UBN2: variants seen among roughly 807,000 people sequenced by gnomAD.
The protein encoded by UBN2 is ubinuclein 2.
In UBN2, 35 loss-of-function variants were observed where a neutral mutation model predicts 120.2. The ratio of observed to expected loss-of-function variants is 0.29; its 90% CI spans 0.22 to 0.39. UBN2 has a LOEUF of 0.39. Ranked by LOEUF, UBN2 falls within the 10% of genes least tolerant of loss-of-function variation. The probability of loss-of-function intolerance (pLI) is 1.00; values close to 1 mark genes in which losing one functional copy is unlikely to be tolerated. For missense variants in UBN2, 1,693 were observed against 1,663.2 expected (o/e 1.02, Z -0.31); for synonymous variants, 661 against 648.7 (o/e 1.02, Z -0.29).
At chr7:139,265,354 T>C (rs1246806087) in intron 6 of UBN2, among the ~76,000 whole-genome samples, 2 of 152,058 alleles carry the variant, frequency 1.3e-5, no homozygotes, top group African/African-American at 4.8e-5. Flanking sequence ...GACACACACC[T>C]GTAGTCCCAG....
intron 4 of UBN2, 132 bp downstream of exon 4, chr7:139,258,757 A>G: frequency 1.4e-6 from 1 of 714,192 alleles, no homozygotes; most frequent in South Asian, 5.3e-5. Context: ...ATATATAATT[A>G]CATGCTTTAA....
At chr7:139,311,567 G>C (rs1381768154), downstream of UBN2, among the ~76,000 whole-genome samples, 2 of 152,226 alleles carry the variant, frequency 1.3e-5, no homozygotes, top group African/African-American at 4.8e-5. Context: ...TTAGAGACAA[G>C]GTATGGAAAG....
chr7:139,266,525 G>T, intron 7 of UBN2, 122 bp downstream of exon 7: 1 of 515,322 alleles, frequency 1.9e-6, no homozygotes, highest in South Asian at 2.9e-5. Flanking sequence ...AAGCCTTACA[G>T]CATGTATGAT....
chr7:139,249,032 G>GTGTATGCA (rs1355133737), intron 2 of UBN2, among the ~76,000 whole-genome samples: 1 of 152,046 alleles, frequency 6.6e-6, no homozygotes, highest in African/African-American at 2.4e-5. Context: ...GTGTGTGTGT[G>GTGTATGCA]TGTATGCATG....
intron 17 of UBN2, among the ~76,000 whole-genome samples, chr7:139,294,852 T>G (rs1045807768): frequency 1.2e-4 from 19 of 152,028 alleles, no homozygotes; most frequent in African/African-American, 4.6e-4. Context: ...AAAAAAAAAT[T>G]AATATGATCC....
the UBN2 span, among the ~76,000 whole-genome samples, chr7:139,322,723 G>A: frequency 4.7e-5 from 7 of 149,858 alleles, no homozygotes; most frequent in Non-Finnish European, 1.0e-4. Flanking sequence ...TATTAGAGAC[G>A]GGGTGTCACC....
chr7:139,277,260 A>G (rs1414912968), intron 12 of UBN2: 1 of 152,016 alleles, frequency 6.6e-6, no homozygotes, highest in East Asian at 1.9e-4. Context: ...ATTACGGTTG[A>G]CCCTTGGAAC....
Sources: gnomAD v4.1 joint callset for allele counts (sites outside exome capture counted in the v4.1 genomes callset) on GRCh38, gnomAD v4.1.1 for gene constraint, MANE v1.5 for transcripts, NCBI Gene and HGNC (gene_info 2026-07-23, HGNC 2026-07-21) for gene names.